The following DMRTB1 variants were observed in gnomAD, a reference collection of about 807,000 sequenced individuals.
DMRTB1 encodes the protein doublesex- and mab-3-related transcription factor B1.
DMRTB1 carries 9 observed loss-of-function variants against 25.2 expected under a neutral mutation model. The ratio of observed to expected loss-of-function variants is 0.36; its 90% confidence interval spans 0.22 to 0.62. The LOEUF (loss-of-function observed/expected upper bound fraction) is 0.62, where lower values mean the gene tolerates loss of function less well. Ranked by LOEUF, DMRTB1 falls within the 20% of genes least tolerant of loss-of-function variation. DMRTB1 has a pLI of 0.71. For synonymous variants in DMRTB1, 269 were observed against 238.1 expected, an observed-to-expected ratio of 1.13 and a Z score of -1.20; for missense variants, 551 against 499.3, an observed-to-expected ratio of 1.10 and a Z score of -0.99.
Position 53,467,335 on chromosome 1 carries a change from A to G in DMRTB1, c.*673A>G, listed in dbSNP as rs886853481. On this transcript the variant is annotated 3_prime_UTR_variant, in exon 4 of 4. Transcript: ENST00000371445. ...AAAAATTTATTAGTTTGACTATTTG[A>G]TGTTTTTATAGTGATTGCCAACTTT... 1 of 152,654 alleles carries G rather than the reference A, an allele frequency of 6.6e-6. No homozygotes were observed. Among genetic ancestry groups the G allele is most frequent in the African/African-American group, 2.4e-5 (1 of 41,462 alleles). 9.5% of individuals were successfully genotyped at this position (152,654 alleles called of 1,614,324 possible).
Position 53,459,634 on chromosome 1 carries a change from G to A in DMRTB1, c.181G>A (p.Ala61Thr). The change falls in exon 1 of 4, where the codon GCC (alanine) becomes ACC (threonine). Residue 61 changes from alanine to threonine, a missense_variant. Transcript: ENST00000371445. ...AAQKVLKTQA[A>T]EEEQEAALCA... The stretch of plus-strand genomic sequence containing the variant: ...GCAGAAGGTGCTCAAGACGCAGGCC[G>A]CCGAGGAGGAGCAGGAGGCGGCCCT... 1.3e-6 allele frequency: 2 copies of A among 1,563,348 alleles called. No individual in the cohort carries two copies. Among genetic ancestry groups the A allele is most frequent in the Non-Finnish European group, 1.7e-6 (2 of 1,154,928 alleles).
intron 2 of DMRTB1, among the ~76,000 whole-genome samples, chr1:53,464,092 C>T (rs193104445): frequency 1.4e-4 from 21 of 152,332 alleles, no homozygotes; most frequent in Middle Eastern, 3.4e-3. Context: ...CCCAAAGGCC[C>T]CCCTGGCACT....
rs1156409168 is a variant in DMRTB1 at position 53,467,179 on chromosome 1, C to G, written c.*517C>G. On this transcript the variant is annotated 3_prime_UTR_variant, in exon 4 of 4. Transcript: ENST00000371445. ...TTCTGCAGCATCCTGCCTTGCTGCT[C>G]TGTCCCCCACATCTTCCTGGCCACA... is the stretch of plus-strand genomic sequence containing the variant. The G allele has an allele frequency of 1.9e-5, 3 of 154,548 alleles. No homozygotes were observed. The highest frequency in any genetic ancestry group is 2.9e-5 in the Non-Finnish European group (2 of 69,274). The allele number at this position is 154,548 out of a possible 1,614,324, so 9.6% of individuals were successfully genotyped here.
chr1:53,462,990 T>C (rs1183929230), intron 2 of DMRTB1, among the ~76,000 whole-genome samples: 1 of 152,270 alleles, frequency 6.6e-6, no homozygotes, highest in Non-Finnish European at 1.5e-5. Flanking sequence ...GCGCTCTGAT[T>C]GACAGGCCTG....
In DMRTB1 at chr1:53,464,693, G is replaced by A. The variant is rs533549553; in HGVS notation, c.807G>A (p.Pro269=). ...GCTACTACCTGCCGCCGCCGCCGCC[G>A]CCACTGCCGCCCCTTCCACCGCTTC... ...QPSYYLPPPP[P]PLPPLPPLPP... The change falls in exon 3 of 4, where the codon CCG becomes CCA. Residue 269 remains proline, a synonymous_variant. Transcript: ENST00000371445. The A allele has an allele frequency of 1.2e-5, 20 of 1,613,304 alleles. No homozygotes were observed. The highest frequency in any genetic ancestry group is 1.1e-4 in the South Asian group (10 of 91,054).
intron 3 of DMRTB1, among the ~76,000 whole-genome samples, chr1:53,466,300 G>A (rs1039761245): frequency 6.6e-6 from 1 of 152,086 alleles, no homozygotes. Flanking sequence ...AGACCAGCCT[G>A]GCCAACATGG....
rs1644055748 is a variant in DMRTB1 at position 53,467,308 on chromosome 1, TA to T, written c.*652del. The T allele has an allele frequency of 2.0e-5, 3 of 152,902 alleles. No individual in the cohort carries two copies. The South Asian group carries it at 6.2e-4, about 32-fold the overall frequency. 9.5% of individuals were successfully genotyped at this position (152,902 alleles called of 1,614,324 possible). A position where few individuals can be genotyped will look rare whatever the true frequency, so the allele number is the denominator to read the frequency against. On this transcript the variant is annotated 3_prime_UTR_variant, in exon 4 of 4. Transcript: ENST00000371445. ...TTTCAGCCATTATGGGCACTGGTTT[TA>T]AAAAATTTATTAGTTTGACTATTTG...
At chr1:53,461,309 G>A (rs865986566) in intron 1 of DMRTB1, among the ~76,000 whole-genome samples, 164 bp from the exon 2 acceptor site, 6 of 152,236 alleles carry the variant, frequency 3.9e-5, no homozygotes, top group Middle Eastern at 3.2e-3. Flanking sequence ...AGAGCAGTGG[G>A]GCTGGCTGGA....
Position 53,459,661 on chromosome 1 carries a change from T to C in DMRTB1, c.208T>C (p.Cys70Arg). Reference sequence around the variant, plus strand: ...CGAGGAGGAGCAGGAGGCGGCCCTGTGTGCGCAGGGGCCCAAGCAGGCCTC... The same window carrying C: ...CGAGGAGGAGCAGGAGGCGGCCCTGCGTGCGCAGGGGCCCAAGCAGGCCTC... ...AAEEEQEAAL[C>R]AQGPKQASGA... The change falls in exon 1 of 4, where the codon TGT (cysteine) becomes CGT (arginine). Residue 70 changes from cysteine to arginine, a missense_variant. Physicochemically the swap from Cys to Arg is radical, Grantham distance 180. Coordinates refer to ENST00000371445, the MANE Select transcript of DMRTB1 (RefSeq NM_033067.3). 6.5e-7 allele frequency: 1 copy of C among 1,549,184 alleles called. No homozygotes were observed. Among genetic ancestry groups the C allele is most frequent in the Non-Finnish European group, 8.7e-7 (1 of 1,147,478 alleles).
rs368660189 is a variant in DMRTB1 at position 53,466,673 on chromosome 1, C to T, written c.*11C>T. On this transcript the variant is annotated 3_prime_UTR_variant, in exon 4 of 4. Transcript: ENST00000371445. Reference sequence around the variant, plus strand: ...GAGCAGTCCGACTAGGCCCCAGGCCCGCCCTCCTGGCCAGCAGAGTGGGGC... The same window carrying T: ...GAGCAGTCCGACTAGGCCCCAGGCCTGCCCTCCTGGCCAGCAGAGTGGGGC... 120 of 1,613,950 alleles carry T rather than the reference C, an allele frequency of 7.4e-5. No homozygotes were observed. Among genetic ancestry groups the T allele is most frequent in the Admixed American group, 1.8e-4 (11 of 59,970 alleles).
In DMRTB1 at chr1:53,464,352, C is replaced by G. The variant is rs1644038756; in HGVS notation, c.751-285C>G. On this transcript the variant is annotated intron_variant, in intron 2 of 3. Coordinates refer to ENST00000371445, the MANE Select transcript of DMRTB1 (RefSeq NM_033067.3). ...GTAATAGAACCCACCGCCTAGGATT[C>G]TGAGCACCCAAGCACAATCGCCCTG... Among the ~76,000 whole-genome samples the G allele has an allele frequency of 2.0e-5, 3 of 152,328 alleles. No homozygotes were observed. The South Asian group carries it at 6.2e-4, about 32-fold the overall frequency.
intron 3 of DMRTB1, 119 bp downstream of exon 3, chr1:53,464,966 T>C (rs943002021): frequency 8.5e-6 from 12 of 1,407,052 alleles, no homozygotes; most frequent in Admixed American, 6.8e-5. Context: ...TTAAAGGGTG[T>C]TGAGCCCTAG....
At position 53,459,867 on chromosome 1, in the gene DMRTB1, G is replaced by C; in HGVS notation, c.414G>C (p.Leu138=). The change falls in exon 1 of 4, where the codon CTG becomes CTC. Residue 138 remains leucine (L), a synonymous_variant. Coordinates refer to ENST00000371445, the MANE Select transcript of DMRTB1 (RefSeq NM_033067.3). ...GCCCGAGAGCCCTCCAGCCGGTTCTGGGCGGCCGCAGCCACGTGGAGCCGA... is the reference window on the plus strand; with the variant it reads ...GCCCGAGAGCCCTCCAGCCGGTTCTCGGCGGCCGCAGCCACGTGGAGCCGA... ...NPGPRALQPV[L]GGRSHVEPSE... 1 of 1,507,028 alleles carries C rather than the reference G, an allele frequency of 6.6e-7. No individual in the cohort carries two copies. The highest frequency in any genetic ancestry group is 1.4e-5 in the African/African-American group (1 of 69,014). 93.4% of individuals were successfully genotyped at this position (1,507,028 alleles called of 1,614,324 possible).
At chr1:53,460,754 T>C (rs1644017680) in intron 1 of DMRTB1, among the ~76,000 whole-genome samples, 2 of 152,210 alleles carry the variant, frequency 1.3e-5, no homozygotes, top group Admixed American at 1.3e-4. Flanking sequence ...CGGACGCGTT[T>C]TCCTGGTGTC....
rs1569656942 is a variant in DMRTB1, at chr1:53,467,008, A to G, written c.*346A>G. ...GCAGTATTTGATTTCCTCAGGCCCC[A>G]CTCTAGGACAGGAGGCACCATCTAT... On this transcript the variant is annotated 3_prime_UTR_variant, in exon 4 of 4. Coordinates refer to ENST00000371445, the MANE Select transcript of DMRTB1 (RefSeq NM_033067.3). The G allele has an allele frequency of 8.4e-6, 2 of 238,620 alleles. No homozygotes were observed. Among genetic ancestry groups the G allele is most frequent in the East Asian group, 1.7e-4 (2 of 11,620 alleles). 14.8% of individuals were successfully genotyped at this position (238,620 alleles called of 1,614,324 possible). A position where few individuals can be genotyped will look rare whatever the true frequency, so the allele number is the denominator to read the frequency against.
At chr1:53,464,552 C>A in intron 2 of DMRTB1, 85 bp from the exon 3 acceptor site, 2 of 1,602,910 alleles carry the variant, frequency 1.2e-6, no homozygotes, top group East Asian at 2.2e-5. Flanking sequence ...AGGAGCCCCC[C>A]ACTTCAGGGG....
intron 1 of DMRTB1, among the ~76,000 whole-genome samples, chr1:53,460,952 G>A (rs955193123): frequency 6.6e-6 from 1 of 152,226 alleles, no homozygotes; most frequent in Non-Finnish European, 1.5e-5. Context: ...TCACAGGCCT[G>A]AAACTGCAGA....
intron 3 of DMRTB1, 77 bp from the exon 4 acceptor site, chr1:53,466,518 A>G: frequency 7.1e-7 from 1 of 1,406,736 alleles, no homozygotes; most frequent in Non-Finnish European, 9.9e-7. Context: ...ATAAGAAAAA[A>G]GAAAATCTTC....
intron 2 of DMRTB1, among the ~76,000 whole-genome samples, chr1:53,462,762 T>A (rs1434508885): frequency 1.3e-5 from 2 of 152,230 alleles, no homozygotes; most frequent in African/African-American, 2.4e-5. Context: ...GCCCTGACTC[T>A]GGAGCCCAGG....
Sources: allele counts gnomAD v4.1 joint callset (sites outside exome capture counted in the v4.1 genomes callset), GRCh38; gene constraint gnomAD v4.1.1; transcripts MANE v1.5; gene names NCBI Gene and HGNC (gene_info 2026-07-23, HGNC 2026-07-21).